Variants in MDGA2 observed in about 807,000 individuals in gnomAD.
MDGA2 encodes MAM domain containing glycosylphosphatidylinositol anchor 2.
A neutral mutation model predicts 117.8 loss-of-function variants in MDGA2; 40 were observed. The ratio of observed to expected loss-of-function variants is 0.34; its 90% CI spans 0.26 to 0.44. The LOEUF (loss-of-function observed/expected upper bound fraction) is 0.44, where lower values mean the gene tolerates loss of function less well. MDGA2 is among the 20% of genes least tolerant of loss of function. MDGA2 has a pLI of 1.00. For missense variants in MDGA2, 1,123 were observed against 1,250.6 expected, an observed-to-expected ratio of 0.90 and a Z score of 1.54; for synonymous variants, 452 against 439.0, an observed-to-expected ratio of 1.03 and a Z score of -0.37.
intron 1 of MDGA2, among the ~76,000 whole-genome samples, chr14:47,382,751 T>G (rs993429906): frequency 1.3e-5 from 2 of 152,196 alleles, no homozygotes; most frequent in Non-Finnish European, 2.9e-5. Context: ...TTTACACTGT[T>G]GGTGGGACTA....
chr14:46,929,599 GTGTATATATATA>G (rs1185585890), intron 9 of MDGA2, among the ~76,000 whole-genome samples: 37 of 15,268 alleles, frequency 2.4e-3, no homozygotes, highest in African/African-American at 4.4e-3. Flanking sequence ...GTGTGTGTGT[GTGTATATATATA>G]TATATATATA....
intron 1 of MDGA2, among the ~76,000 whole-genome samples, chr14:47,367,928 T>G (rs1205790234): frequency 6.6e-6 from 1 of 152,184 alleles, no homozygotes; most frequent in Non-Finnish European, 1.5e-5. Flanking sequence ...ATAGATTTTA[T>G]TATTTTTCCC....
chr14:47,330,930 A>C (rs1451259641), intron 1 of MDGA2, among the ~76,000 whole-genome samples: 2 of 151,942 alleles, frequency 1.3e-5, no homozygotes, highest in Admixed American at 1.3e-4. Context: ...AAAATTAGAC[A>C]TTAATAGACT....
At chr14:47,285,296 CT>C (rs904386074) in intron 2 of MDGA2, among the ~76,000 whole-genome samples, 8 of 152,032 alleles carry the variant, frequency 5.3e-5, no homozygotes, top group African/African-American at 1.9e-4. Context: ...TTAGCATACA[CT>C]TTTTGTAACT....
At chr14:47,332,305 C>T (rs1890315767) in intron 1 of MDGA2, among the ~76,000 whole-genome samples, 1 of 151,942 alleles carries the variant, frequency 6.6e-6, no homozygotes, top group Non-Finnish European at 1.5e-5. Flanking sequence ...GCCAAGTGAC[C>T]ACACTGGCCT....
At chr14:46,970,873 A>G (rs1886235389) in intron 8 of MDGA2, among the ~76,000 whole-genome samples, 1 of 152,158 alleles carries the variant, frequency 6.6e-6, no homozygotes, top group African/African-American at 2.4e-5. Flanking sequence ...AAAGTGGCCT[A>G]AAGACATAAA....
intron 1 of MDGA2, among the ~76,000 whole-genome samples, chr14:47,621,847 G>A (rs931203422): frequency 7.9e-5 from 12 of 152,244 alleles, no homozygotes; most frequent in South Asian, 4.1e-4. Flanking sequence ...CGTTGTAAGC[G>A]AAAAATAAGT....
chr14:47,674,629 C>A lies in MDGA2; in HGVS notation c.168G>T (p.Leu56Phe), dbSNP rs1402298167. 3 of 1,532,928 alleles carry A rather than the reference C, an allele frequency of 2.0e-6. No individual in the cohort carries two copies. Among genetic ancestry groups the A allele is most frequent in the South Asian group, 2.4e-5 (2 of 83,424 alleles). 95.0% of individuals were successfully genotyped at this position (1,532,928 alleles called of 1,614,324 possible). ...WLAAGLLKVPLRTPWAGYVHV... is the reference protein window; with the variant it reads ...WLAAGLLKVPFRTPWAGYVHV... ...GAACATATCCAGCCCAGGGGGTACG[C>A]AACGGGACCTTCAGGAGGCCGGCGG... Residue 56 changes from leucine to phenylalanine, a missense_variant, in exon 1 of 17, where the codon TTG becomes TTT. Leu to Phe is a conservative substitution (Grantham distance 22). Around this residue, in one of 2 missense-constraint regions of MDGA2, gnomAD observed 233 missense variants for 200.3 expected, o/e 1.16. Coordinates refer to ENST00000399232, the MANE Select transcript of MDGA2 (RefSeq NM_001113498.3).
At position 47,229,107 on chromosome 14, in the gene MDGA2, C is replaced by A. The variant is rs533496905; in HGVS notation, c.421-10912G>T. 3.3e-5 allele frequency among the ~76,000 whole-genome samples: 5 copies of A among 152,266 alleles called. No individual in the cohort carries two copies. The South Asian group carries it at 8.3e-4, about 25-fold the overall frequency. ...AGATGCCAGCCAAAGGCTAACCTGG[C>A]AAACAGGTATGGTATTTTCAAGCTT... On this transcript the variant is annotated intron_variant, in intron 2 of 16. Coordinates refer to ENST00000399232, the MANE Select transcript of MDGA2 (RefSeq NM_001113498.3).
At chr14:46,975,637 GA>G (rs1271693262) in intron 8 of MDGA2, among the ~76,000 whole-genome samples, 52 of 152,038 alleles carry the variant, frequency 3.4e-4, no homozygotes, top group Admixed American at 3.3e-3. Flanking sequence ...AGTACTTAGA[GA>G]AGTTAAACTT....
intron 8 of MDGA2, among the ~76,000 whole-genome samples, chr14:46,958,011 T>C (rs978412288): frequency 6.6e-6 from 1 of 152,202 alleles, no homozygotes; most frequent in African/African-American, 2.4e-5. Flanking sequence ...AGAATTCTTT[T>C]TTTATTATGC....
intron 8 of MDGA2, among the ~76,000 whole-genome samples, chr14:46,984,799 A>G (rs772985285): frequency 5.0e-4 from 76 of 152,052 alleles, no homozygotes; most frequent in Middle Eastern, 6.3e-3. Context: ...TACAAAATTT[A>G]TACTTAATTT....
intron 3 of MDGA2, among the ~76,000 whole-genome samples, chr14:47,160,738 CAA>C (rs1019901230): frequency 3.3e-5 from 5 of 152,130 alleles, no homozygotes; most frequent in African/African-American, 1.2e-4. Context: ...CATTGAGAAT[CAA>C]TTAAATTCAC....
At chr14:47,602,224 G>A (rs1896661776) in intron 1 of MDGA2, among the ~76,000 whole-genome samples, 1 of 152,178 alleles carries the variant, frequency 6.6e-6, no homozygotes, top group Admixed American at 6.5e-5. Context: ...CCAATCGACA[G>A]ACCCAGTCAC....
At chr14:47,563,771 G>A (rs1004353445) in intron 1 of MDGA2, among the ~76,000 whole-genome samples, 1 of 151,486 alleles carries the variant, frequency 6.6e-6, no homozygotes, top group African/African-American at 2.4e-5. Flanking sequence ...AGTTAATATC[G>A]ATATATACAG....
At chr14:47,561,138 TTTG>T (rs1238459956) in intron 1 of MDGA2, among the ~76,000 whole-genome samples, 1 of 89,630 alleles carries the variant, frequency 1.1e-5, no homozygotes, top group African/African-American at 3.4e-5. Context: ...TACCTCTATC[TTTG>T]TTTTTTTTTT....
rs549762525 is a variant in MDGA2 at position 47,633,754 on chromosome 14, T to C, written c.280+40763A>G. ...GCTATAAAGACAAGACAAATTTTAGTTTGCAGTCCACTTTAAATATATGAT... is the reference window on the plus strand; with the variant it reads ...GCTATAAAGACAAGACAAATTTTAGCTTGCAGTCCACTTTAAATATATGAT... On this transcript the variant is annotated intron_variant, in intron 1 of 16. Transcript: ENST00000399232. Among the ~76,000 whole-genome samples, 3 of 152,302 alleles carry C rather than the reference T, an allele frequency of 2.0e-5. No homozygotes were observed. The East Asian group carries it at 5.8e-4, about 29-fold the overall frequency.
chr14:47,188,514 G>C (rs1301597671), intron 3 of MDGA2, among the ~76,000 whole-genome samples: 1 of 152,166 alleles, frequency 6.6e-6, no homozygotes, highest in East Asian at 1.9e-4. Flanking sequence ...ACACACTGAT[G>C]ACAGCCTTAC....
intron 8 of MDGA2, among the ~76,000 whole-genome samples, chr14:46,979,963 A>G (rs1333454800): frequency 6.6e-6 from 1 of 152,210 alleles, no homozygotes; most frequent in East Asian, 1.9e-4. Flanking sequence ...TAAACCTTTC[A>G]TAGCTAAAGA....
Sources: allele counts gnomAD v4.1 joint callset (sites outside exome capture counted in the v4.1 genomes callset), GRCh38; gene constraint gnomAD v4.1.1; regional missense constraint gnomAD v4.1.1; transcripts MANE v1.5; gene names NCBI Gene and HGNC (gene_info 2026-07-23, HGNC 2026-07-21).